LCP1: variants seen among roughly 807,000 people sequenced by gnomAD.
The protein encoded by LCP1 is lymphocyte cytosolic protein 1.
LCP1 carries 23 observed loss-of-function variants against 72.0 expected under a neutral mutation model. That is an observed-to-expected ratio of 0.32 (90% CI 0.23 to 0.45). LCP1 has a LOEUF of 0.45. LCP1 is among the 20% of genes least tolerant of loss of function. LCP1 has a pLI of 1.00. For synonymous variants in LCP1, 245 were observed against 275.4 expected (o/e 0.89, Z 1.09); for missense variants, 571 against 748.3 (o/e 0.76, Z 2.76).
chr13:46,140,417 T>A (rs1463004941), intron 13 of LCP1, among the ~76,000 whole-genome samples: 1 of 152,180 alleles, frequency 6.6e-6, no homozygotes, highest in Non-Finnish European at 1.5e-5. Flanking sequence ...TCAAGCAAAG[T>A]ACTCAGAAGA....
At chr13:46,179,765 G>A (rs1239570416) in intron 1 of LCP1, among the ~76,000 whole-genome samples, 1 of 151,950 alleles carries the variant, frequency 6.6e-6, no homozygotes, top group African/African-American at 2.4e-5. Context: ...GAGGGGATGG[G>A]GTAGTGGGAG....
At chr13:46,148,771 T>A (rs1593951502) in intron 8 of LCP1, 5 of 844,844 alleles carry the variant, frequency 5.9e-6, no homozygotes, top group East Asian at 9.7e-5. Flanking sequence ...TACAGGAAAA[T>A]ATATATATAC....
chr13:46,173,566 G>A lies in LCP1; in HGVS notation c.-25+8545C>T, dbSNP rs556557816. Among the ~76,000 whole-genome samples, 14 of 130,068 alleles carry A rather than the reference G, an allele frequency of 1.1e-4. No individual in the cohort carries two copies. The East Asian group carries it at 2.8e-3, about 26-fold the overall frequency. 85.3% of individuals were successfully genotyped at this position (130,068 alleles called of 152,430 possible). ...AAACTGTAGGAAATATTGTCAAGTC[G>A]CAACTTAAAAGCAAAGATTAGTTGT... is the stretch of plus-strand genomic sequence containing the variant. On this transcript the variant is annotated intron_variant, in intron 1 of 15. Transcript: ENST00000323076.
At chr13:46,157,896 G>A (rs911885839) in intron 4 of LCP1, among the ~76,000 whole-genome samples, 21 of 151,926 alleles carry the variant, frequency 1.4e-4, no homozygotes, top group African/African-American at 2.2e-4. Context: ...ACAGGCATGC[G>A]CCACTGCACC....
At chr13:46,165,682 A>G (rs1329268568) in intron 1 of LCP1, among the ~76,000 whole-genome samples, 1 of 152,186 alleles carries the variant, frequency 6.6e-6, no homozygotes, top group Admixed American at 6.5e-5. Flanking sequence ...TTTAATGACT[A>G]CATCATCTAA....
chr13:46,130,914 G>C lies in LCP1; in HGVS notation c.1651C>G (p.Pro551Ala), dbSNP rs2045629852. ...FKDPKISTSL[P>A]VLDLIDAIQP... Reference sequence around the variant, plus strand: ...ATGGCATCGATGAGGTCCAGAACAGGCAGACTTGTACTAATCTTCGGGTCC... The same window carrying C: ...ATGGCATCGATGAGGTCCAGAACAGCCAGACTTGTACTAATCTTCGGGTCC... Residue 551 changes from proline to alanine, a missense_variant, in exon 15 of 16, where the codon CCT becomes GCT. Pro to Ala is a conservative substitution (Grantham distance 27, BLOSUM62 -1). Coordinates refer to ENST00000323076, the MANE Select transcript of LCP1 (RefSeq NM_002298.5). The C allele has an allele frequency of 6.2e-7, 1 of 1,610,154 alleles. No individual in the cohort carries two copies. The highest frequency in any genetic ancestry group is 1.3e-5 in the African/African-American group (1 of 74,612).
intron 1 of LCP1, among the ~76,000 whole-genome samples, chr13:46,168,227 G>A (rs375312804): frequency 3.3e-5 from 5 of 152,338 alleles, no homozygotes; most frequent in African/African-American, 9.6e-5. Context: ...ATTGAGAAGC[G>A]GAGTCCGTTC....
chr13:46,162,668 C>A (rs2045848441), intron 1 of LCP1, among the ~76,000 whole-genome samples: 1 of 152,164 alleles, frequency 6.6e-6, no homozygotes, highest in Admixed American at 6.5e-5. Flanking sequence ...ACCTCCCAGC[C>A]GCCTGCCTTG....
At chr13:46,136,793 T>C (rs185319326) in intron 13 of LCP1, among the ~76,000 whole-genome samples, 75 of 152,346 alleles carry the variant, frequency 4.9e-4, no homozygotes, top group African/African-American at 1.7e-3. Flanking sequence ...TTAGGTCCTC[T>C]CTATATATAA....
intron 8 of LCP1, among the ~76,000 whole-genome samples, chr13:46,149,234 A>T (rs1415240857): frequency 6.6e-6 from 1 of 152,190 alleles, no homozygotes; most frequent in African/African-American, 2.4e-5. Flanking sequence ...TTGTTTCTAC[A>T]ACTGGTTAGG....
intron 13 of LCP1, among the ~76,000 whole-genome samples, chr13:46,136,343 A>G (rs2045664996): frequency 6.6e-6 from 1 of 152,140 alleles, no homozygotes; most frequent in South Asian, 2.1e-4. Context: ...TGTTCCCAGA[A>G]CTTGTGATGG....
chr13:46,148,383 G>C lies in LCP1; in HGVS notation c.947C>G (p.Pro316Arg), dbSNP rs751926649. ...TCCTGACATGTCAATAACAACAGCA[G>C]GAACACCTTCTTCATCTCCTTTTGG... ...VAPKGDEEGVPAVVIDMSGLR... is the reference protein window; with the variant it reads ...VAPKGDEEGVRAVVIDMSGLR... Residue 316 changes from proline to arginine, a missense_variant, in exon 9 of 16, where the codon CCT becomes CGT. Coordinates refer to ENST00000323076, the MANE Select transcript of LCP1 (RefSeq NM_002298.5). 1.2e-6 allele frequency: 2 copies of C among 1,613,478 alleles called. No homozygotes were observed.
In LCP1 at chr13:46,172,403, G is replaced by C. The variant is rs145131207; in HGVS notation, c.-25+9708C>G. Among the ~76,000 whole-genome samples the C allele has an allele frequency of 8.0e-3, 1,224 of 152,054 alleles. 18 individuals are homozygous for C. Among genetic ancestry groups the C allele is most frequent in the African/African-American group, 0.027 (1,135 of 41,364 alleles). On this transcript the variant is annotated intron_variant, in intron 1 of 15. Coordinates refer to ENST00000323076, the MANE Select transcript of LCP1 (RefSeq NM_002298.5). Reference sequence around the variant, plus strand: ...TGAGGCTGAGGCAGGAGAATCACTTGAACCCGGGAGGCAGAGGTTGCAGTG... The same window carrying C: ...TGAGGCTGAGGCAGGAGAATCACTTCAACCCGGGAGGCAGAGGTTGCAGTG...
At chr13:46,153,067 A>C in intron 6 of LCP1, 122 bp from the exon 7 acceptor site, 2 of 933,494 alleles carry the variant, frequency 2.1e-6, no homozygotes, top group Non-Finnish European at 3.1e-6. Context: ...CATGGTCTTC[A>C]CTCATTTTAA....
chr13:46,178,770 AAAT>A (rs2045943294), intron 1 of LCP1, among the ~76,000 whole-genome samples: 1 of 152,226 alleles, frequency 6.6e-6, no homozygotes, highest in Non-Finnish European at 1.5e-5. Flanking sequence ...AGATTAACTG[AAAT>A]AATGTCACTC....
chr13:46,154,245 C>T (rs1035353587), intron 6 of LCP1, among the ~76,000 whole-genome samples: 5 of 152,058 alleles, frequency 3.3e-5, no homozygotes, highest in East Asian at 1.9e-4. Context: ...GATAATGTAT[C>T]GTTCATGATT....
rs112601508 is a variant in LCP1 at position 46,167,787 on chromosome 13, C to A, written c.-24-8101G>T. 8.3e-3 allele frequency among the ~76,000 whole-genome samples: 1,271 copies of A among 152,274 alleles called. 15 individuals are homozygous for A. Among genetic ancestry groups the A allele is most frequent in the African/African-American group, 0.028 (1,165 of 41,544 alleles). ...ATATGTGTCTGTATGCAAAGTACTGCCCTGGCTGCTAGGGGGTTGGTGAGG... is the reference window on the plus strand; with the variant it reads ...ATATGTGTCTGTATGCAAAGTACTGACCTGGCTGCTAGGGGGTTGGTGAGG... On this transcript the variant is annotated intron_variant, in intron 1 of 15. Transcript: ENST00000323076.
chr13:46,159,644 A>G lies in LCP1; in HGVS notation c.19T>C (p.Ser7Pro). 6.2e-7 allele frequency: 1 copy of G among 1,614,088 alleles called. No homozygotes were observed. The highest frequency in any genetic ancestry group is 1.1e-5 in the South Asian group (1 of 91,080). Reference protein sequence around the residue: MARGSVSDEEMMELREA... With the variant: MARGSVPDEEMMELREA... ...CTGAGCTCCATCATTTCCTCATCGG[A>G]CACTGATCCTCTGGCCATTTTTTAT... is the stretch of plus-strand genomic sequence containing the variant. Residue 7 changes from serine to proline, a missense_variant, in exon 2 of 16, where the codon TCC becomes CCC. Coordinates refer to ENST00000323076, the MANE Select transcript of LCP1 (RefSeq NM_002298.5).
intron 1 of LCP1, among the ~76,000 whole-genome samples, chr13:46,162,957 C>G (rs1180828876): frequency 6.6e-6 from 1 of 151,922 alleles, no homozygotes; most frequent in African/African-American, 2.4e-5. Context: ...GCAGCCACCC[C>G]GTCTGGGAAG....
Sources: gnomAD v4.1 joint callset for allele counts (sites outside exome capture counted in the v4.1 genomes callset) on GRCh38, gnomAD v4.1.1 for gene constraint, MANE v1.5 for transcripts, NCBI Gene and HGNC (gene_info 2026-07-23, HGNC 2026-07-21) for gene names.